Variants in BBS4 observed in about 807,000 individuals in gnomAD.
BBS4 encodes BBSome complex member BBS4.
Under a neutral mutation model 71.4 loss-of-function variants are expected in BBS4, and 58 were observed. The observed-to-expected ratio is 0.81, with a 90% CI of 0.66 to 1.01. The LOEUF is 1.01. Ranked by LOEUF, BBS4 falls within the 50% of genes least tolerant of loss-of-function variation. The probability of loss-of-function intolerance (pLI) is 0.00; values close to 1 mark genes in which losing one functional copy is unlikely to be tolerated. For missense variants in BBS4, 660 were observed against 607.9 expected, an observed-to-expected ratio of 1.09 and a Z score of -0.90; for synonymous variants, 228 against 216.8, an observed-to-expected ratio of 1.05 and a Z score of -0.46.
intron 2 of BBS4, among the ~76,000 whole-genome samples, chr15:72,702,802 C>CTTTTT (rs59816410): frequency 0.42 from 30,620 of 72,232 alleles, 8,893 homozygotes; most frequent in Non-Finnish European, 0.54. Context: ...GGAGCTGACT[C>CTTTTT]TTTTTTTTTT....
intron 1 of BBS4, among the ~76,000 whole-genome samples, chr15:72,690,423 A>G (rs1403373212): frequency 6.6e-6 from 1 of 152,194 alleles, no homozygotes; most frequent in Non-Finnish European, 1.5e-5. Context: ...TCTTGAGTAA[A>G]AGACTCATCA....
chr15:72,686,572 C>T lies in BBS4; in HGVS notation c.24+321C>T, dbSNP rs780570353. 154 of 1,431,590 alleles carry T rather than the reference C, an allele frequency of 1.1e-4. 4 individuals carry two copies. The South Asian group carries it at 1.2e-3, about 11-fold the overall frequency. The allele number at this position is 1,431,590 out of a possible 1,614,324, so 88.7% of individuals were successfully genotyped here. A position where few individuals can be genotyped will look rare whatever the true frequency, so the allele number is the denominator to read the frequency against. ...GTCTCGGGGGTTTGGAAGGTAATGA[C>T]TAGCACTTGTGTAGACAGTTCCTGT... On this transcript the variant is annotated intron_variant, in intron 1 of 15. Coordinates refer to ENST00000268057, the MANE Select transcript of BBS4 (RefSeq NM_033028.5).
At chr15:72,700,079 A>G (rs1327747846) in intron 2 of BBS4, among the ~76,000 whole-genome samples, 1 of 152,162 alleles carries the variant, frequency 6.6e-6, no homozygotes. Flanking sequence ...AGCTGGGACT[A>G]TAGGTGTGTG....
intron 4 of BBS4, 82 bp from the exon 5 acceptor site, chr15:72,715,209 C>G: frequency 2.1e-6 from 2 of 968,104 alleles, no homozygotes. Flanking sequence ...CCAGTTTTCT[C>G]TTCTCCAATT....
intron 2 of BBS4, among the ~76,000 whole-genome samples, chr15:72,703,696 G>A (rs534511357): frequency 6.6e-6 from 1 of 152,104 alleles, no homozygotes; most frequent in African/African-American, 2.4e-5. Context: ...AAACTTTTAC[G>A]TGCTACATGT....
At position 72,709,749 on chromosome 15, in the gene BBS4, T is replaced by C; in HGVS notation, c.126T>C (p.His42=). Reference sequence around the variant, plus strand: ...AGCAGAACTGGTTGATTCATCTTCATTATATCCGGAAAGATTATGAAGCCT... The same window carrying C: ...AGCAGAACTGGTTGATTCATCTTCACTATATCCGGAAAGATTATGAAGCCT... ...LEKQNWLIHL[H]YIRKDYEACK... The change falls in exon 3 of 16, where the codon CAT becomes CAC. Residue 42 remains histidine (H), a synonymous_variant. Coordinates refer to ENST00000268057, the MANE Select transcript of BBS4 (RefSeq NM_033028.5). The C allele has an allele frequency of 6.2e-7, 1 of 1,613,788 alleles. No individual in the cohort carries two copies. Among genetic ancestry groups the C allele is most frequent in the African/African-American group, 1.3e-5 (1 of 75,030 alleles).
chr15:72,698,754 TATA>T (rs567167801), intron 2 of BBS4, among the ~76,000 whole-genome samples: 25 of 152,242 alleles, frequency 1.6e-4, no homozygotes, highest in Non-Finnish European at 1.9e-4. Flanking sequence ...CTGTACTGTA[TATA>T]ATAATTTATT....
chr15:72,690,835 A>G (rs543469073), intron 1 of BBS4, among the ~76,000 whole-genome samples: 4 of 152,322 alleles, frequency 2.6e-5, no homozygotes, highest in East Asian at 1.9e-4. Context: ...TGAGCAATGC[A>G]TGAGGGTTGT....
At chr15:72,687,483 A>G (rs889027872) in intron 1 of BBS4, among the ~76,000 whole-genome samples, 2 of 151,618 alleles carry the variant, frequency 1.3e-5, no homozygotes, top group Non-Finnish European at 2.9e-5. Flanking sequence ...GCTCGCCTGT[A>G]ATCCCAGGTA....
At chr15:72,691,596 TGTA>T in intron 1 of BBS4, among the ~76,000 whole-genome samples, 2 of 152,330 alleles carry the variant, frequency 1.3e-5, no homozygotes, top group East Asian at 3.9e-4. Flanking sequence ...AGTATCTTAT[TGTA>T]GTAAAGTATG....
intron 6 of BBS4, among the ~76,000 whole-genome samples, chr15:72,719,787 T>C (rs1161757653): frequency 6.8e-6 from 1 of 147,240 alleles, no homozygotes; most frequent in Non-Finnish European, 1.5e-5. Flanking sequence ...TCTCATTCTG[T>C]CACCTAGGCT....
chr15:72,737,036 T>C (rs2065940512), intron 15 of BBS4, 73 bp downstream of exon 15: 4 of 1,531,400 alleles, frequency 2.6e-6, no homozygotes, highest in Non-Finnish European at 3.6e-6. Context: ...AGATTATAGC[T>C]TTCAGTGAGG....
At chr15:72,697,004 C>T (rs2065088846) in intron 2 of BBS4, among the ~76,000 whole-genome samples, 1 of 152,244 alleles carries the variant, frequency 6.6e-6, no homozygotes, top group Non-Finnish European at 1.5e-5. Context: ...GCAGTCTCAG[C>T]TCACTGCAAC....
At chr15:72,718,135 C>T (rs1235847603) in intron 6 of BBS4, among the ~76,000 whole-genome samples, 2 of 152,194 alleles carry the variant, frequency 1.3e-5, no homozygotes, top group Non-Finnish European at 2.9e-5. Context: ...AGGTGTGAGA[C>T]ACCACGCCTG....
chr15:72,703,100 C>T (rs1009821739), intron 2 of BBS4, among the ~76,000 whole-genome samples: 17 of 151,932 alleles, frequency 1.1e-4, no homozygotes, highest in Admixed American at 7.9e-4. Flanking sequence ...CGTGAGCCAT[C>T]GCGCCCGGCC....
At chr15:72,694,555 A>G (rs2065042539) in intron 1 of BBS4, among the ~76,000 whole-genome samples, 1 of 152,210 alleles carries the variant, frequency 6.6e-6, no homozygotes, top group Non-Finnish European at 1.5e-5. Context: ...TGATGTATCT[A>G]AGTATGTATT....
At chr15:72,704,942 G>A (rs2065237323) in intron 2 of BBS4, among the ~76,000 whole-genome samples, 2 of 151,844 alleles carry the variant, frequency 1.3e-5, no homozygotes, top group South Asian at 4.2e-4. Context: ...AACAATAATA[G>A]GTAACATTTC....
intron 2 of BBS4, among the ~76,000 whole-genome samples, chr15:72,702,294 C>T (rs1416004937): frequency 1.3e-5 from 2 of 152,110 alleles, no homozygotes; most frequent in Non-Finnish European, 2.9e-5. Context: ...CCTGCCTCTT[C>T]CATTAACTAC....
chr15:72,687,123 A>ATTTTTTTTTTTTTTTTT lies in BBS4; in HGVS notation c.24+872_24+873insTTTTTTTTTTTTTTTTT, dbSNP rs1491389178. Among the ~76,000 whole-genome samples, 12 of 11,982 alleles carry ATTTTTTTTTTTTTTTTT rather than the reference A, an allele frequency of 1.0e-3. 1 individual carries two copies. Among genetic ancestry groups the ATTTTTTTTTTTTTTTTT allele is most frequent in the South Asian group, 9.7e-3 (2 of 206 alleles). The allele number at this position is 11,982 out of a possible 152,430, so 7.9% of individuals were successfully genotyped here. On this transcript the variant is annotated intron_variant, in intron 1 of 15. Transcript: ENST00000268057. ...TAATTAGAAAACTCTGAAGACAGAA[A>ATTTTTTTTTTTTTTTTT]CTTTTTTTTTTGAGACGGAGTGTCG...
Sources: allele counts gnomAD v4.1 joint callset (sites outside exome capture counted in the v4.1 genomes callset), GRCh38; gene constraint gnomAD v4.1.1; transcripts MANE v1.5; gene names NCBI Gene and HGNC (gene_info 2026-07-23, HGNC 2026-07-21).